ALCAM: variants seen among roughly 807,000 people sequenced by gnomAD.
ALCAM encodes activated leukocyte cell adhesion molecule.
Under a neutral mutation model 70.9 loss-of-function variants are expected in ALCAM, and 30 were observed. The ratio of observed to expected loss-of-function variants is 0.42; its 90% CI spans 0.32 to 0.57. The LOEUF (loss-of-function observed/expected upper bound fraction) is 0.57. Among genes scored for constraint, ALCAM ranks in the 20% least tolerant of loss-of-function variants. ALCAM has a pLI of 0.11. For missense variants in ALCAM, 591 were observed against 695.1 expected (o/e 0.85, Z 1.68); for synonymous variants, 249 against 242.5 (o/e 1.03, Z -0.25).
At chr3:105,486,616 G>A (rs1938434358) in intron 1 of ALCAM, among the ~76,000 whole-genome samples, 1 of 152,028 alleles carries the variant, frequency 6.6e-6, no homozygotes, top group African/African-American at 2.4e-5. Flanking sequence ...ATAAATTTTA[G>A]CAAGCATGCA....
chr3:105,446,524 T>C (rs1439715780), intron 1 of ALCAM, among the ~76,000 whole-genome samples: 1 of 151,992 alleles, frequency 6.6e-6, no homozygotes, highest in African/African-American at 2.4e-5. Context: ...CACTCTCATG[T>C]TTATTGAAGC....
intron 1 of ALCAM, among the ~76,000 whole-genome samples, chr3:105,370,087 A>G (rs1485019320): frequency 5.3e-5 from 8 of 152,210 alleles, no homozygotes; most frequent in African/African-American, 1.7e-4. Flanking sequence ...ATTTTTCATA[A>G]CTACTCACTG....
chr3:105,549,633 A>G (rs1021960118), intron 11 of ALCAM, among the ~76,000 whole-genome samples: 11 of 151,470 alleles, frequency 7.3e-5, no homozygotes, highest in Non-Finnish European at 1.2e-4. Flanking sequence ...TGTATTTACA[A>G]CAGAAAACTT....
At position 105,535,440 on chromosome 3, in the gene ALCAM, A is replaced by G. The variant is rs151163974; in HGVS notation, c.730+595A>G. Reference sequence around the variant, plus strand: ...CATTGCTGTGCTTTCCTTGTAAGACAGGTGCCAAGATAATCTAATGATTAG... The same window carrying G: ...CATTGCTGTGCTTTCCTTGTAAGACGGGTGCCAAGATAATCTAATGATTAG... On this transcript the variant is annotated intron_variant, in intron 6 of 15. Coordinates refer to ENST00000306107, the MANE Select transcript of ALCAM (RefSeq NM_001627.4). 4.6e-5 allele frequency among the ~76,000 whole-genome samples: 7 copies of G among 152,302 alleles called. No homozygotes were observed. The East Asian group carries it at 1.2e-3, about 25-fold the overall frequency.
chr3:105,470,412 G>A (rs1401629686), intron 1 of ALCAM, among the ~76,000 whole-genome samples: 2 of 151,070 alleles, frequency 1.3e-5, no homozygotes, highest in African/African-American at 4.8e-5. Context: ...GAATATATTG[G>A]TGTCAAGCAA....
At chr3:105,547,013 G>A in intron 9 of ALCAM, 136 bp from the exon 10 acceptor site, 1 of 630,384 alleles carries the variant, frequency 1.6e-6, no homozygotes, top group Non-Finnish European at 2.4e-6. Context: ...TATTTTGAAA[G>A]CATCTGAAGT....
At chr3:105,465,800 T>G (rs1937701846) in intron 1 of ALCAM, among the ~76,000 whole-genome samples, 1 of 151,368 alleles carries the variant, frequency 6.6e-6, no homozygotes, top group Admixed American at 6.6e-5. Flanking sequence ...TTTTACAGTT[T>G]TTCATCCTTC....
chr3:105,450,989 G>A (rs1201871601), intron 1 of ALCAM, among the ~76,000 whole-genome samples: 4 of 151,852 alleles, frequency 2.6e-5, no homozygotes, highest in Non-Finnish European at 5.9e-5. Context: ...AAGAGAAAAA[G>A]TACACCCAAA....
intron 1 of ALCAM, among the ~76,000 whole-genome samples, chr3:105,431,142 C>CAAA: frequency 1.7e-5 from 2 of 117,884 alleles, no homozygotes; most frequent in African/African-American, 6.3e-5. Flanking sequence ...TCCTTCGAAA[C>CAAA]AAAAAAAAAA....
intron 1 of ALCAM, among the ~76,000 whole-genome samples, chr3:105,500,388 G>A (rs567012363): frequency 2.0e-4 from 30 of 151,380 alleles, no homozygotes; most frequent in Non-Finnish European, 3.8e-4. Context: ...AGCTCTGTTT[G>A]TGGTGGGTGT....
At chr3:105,371,262 G>T (rs534824849) in intron 1 of ALCAM, among the ~76,000 whole-genome samples, 55 of 152,252 alleles carry the variant, frequency 3.6e-4, no homozygotes, top group African/African-American at 1.3e-3. Context: ...ACTATGTCAT[G>T]TAAGAATGTT....
intron 1 of ALCAM, among the ~76,000 whole-genome samples, chr3:105,445,067 G>A (rs1385894587): frequency 6.6e-6 from 1 of 152,076 alleles, no homozygotes; most frequent in Admixed American, 6.5e-5. Flanking sequence ...TTTATAATGA[G>A]CTCAAATAGC....
rs571400859 is a variant in ALCAM, at chr3:105,537,974, G to A, written c.731-2001G>A. On this transcript the variant is annotated intron_variant, in intron 6 of 15. Transcript: ENST00000306107. The stretch of plus-strand genomic sequence containing the variant: ...ATTTTGTAGGGGTTTATGTAGCAGA[G>A]TAAGAGAGAAGACTCTCACTTGAGC... Among the ~76,000 whole-genome samples the A allele has an allele frequency of 5.9e-5, 9 of 152,260 alleles. No individual in the cohort carries two copies. In the South Asian group the frequency reaches 1.9e-3, roughly 32 times the overall value.
At chr3:105,552,218 A>G (rs1392446469) in intron 13 of ALCAM, 36 bp downstream of exon 13, 19 of 1,568,700 alleles carry the variant, frequency 1.2e-5, no homozygotes, top group East Asian at 2.3e-5. Flanking sequence ...TTCCTTGACT[A>G]TCAGCTCAAG....
intron 1 of ALCAM, among the ~76,000 whole-genome samples, chr3:105,371,333 G>A (rs1375413714): frequency 6.6e-6 from 1 of 151,974 alleles, no homozygotes; most frequent in Non-Finnish European, 1.5e-5. Flanking sequence ...ATTTCTTTCT[G>A]TGCAATGTGT....
intron 1 of ALCAM, among the ~76,000 whole-genome samples, chr3:105,398,896 CT>C (rs925979118): frequency 1.5e-4 from 23 of 148,550 alleles, no homozygotes; most frequent in South Asian, 6.4e-4. Context: ...GACTCATAAG[CT>C]TTTTTTTTTC....
chr3:105,467,359 A>G (rs1433486234), intron 1 of ALCAM, among the ~76,000 whole-genome samples: 1 of 151,174 alleles, frequency 6.6e-6, no homozygotes, highest in African/African-American at 2.4e-5. Flanking sequence ...TGATATTTTT[A>G]TCTAGTACAG....
chr3:105,455,067 C>G (rs1158317468), intron 1 of ALCAM, among the ~76,000 whole-genome samples: 1 of 151,998 alleles, frequency 6.6e-6, no homozygotes, highest in Non-Finnish European at 1.5e-5. Flanking sequence ...AAACACCTGT[C>G]TTTGATAATA....
At chr3:105,568,247 G>A (rs557768722) in intron 14 of ALCAM, among the ~76,000 whole-genome samples, 1 of 151,534 alleles carries the variant, frequency 6.6e-6, no homozygotes, top group South Asian at 2.1e-4. Flanking sequence ...ATTTTTAGTA[G>A]GGACAAAAAT....
Sources: allele counts gnomAD v4.1 joint callset (sites outside exome capture counted in the v4.1 genomes callset), GRCh38; gene constraint gnomAD v4.1.1; transcripts MANE v1.5; gene names NCBI Gene and HGNC (gene_info 2026-07-23, HGNC 2026-07-21).